Variants in HTR3A observed in about 807,000 individuals in gnomAD.
HTR3A encodes the protein 5-hydroxytryptamine receptor 3A.
Under a neutral mutation model 54.8 loss-of-function variants are expected in HTR3A, and 45 were observed. The observed-to-expected ratio is 0.82, with a 90% CI of 0.65 to 1.05. The LOEUF is 1.05. Ranked by LOEUF, HTR3A falls within the 50% of genes least tolerant of loss-of-function variation. The pLI, the probability that HTR3A is intolerant of heterozygous loss-of-function variation, is 0.00. For missense variants in HTR3A, 657 were observed against 614.0 expected (o/e 1.07, Z -0.74); for synonymous variants, 297 against 256.0 (o/e 1.16, Z -1.53).
chr11:113,986,073 T>A lies in HTR3A; in HGVS notation c.603T>A (p.Ser201Arg). Residue 201 changes from serine to arginine, a missense_variant, in exon 6 of 9, where the codon AGT (serine) becomes AGA (arginine). By Grantham distance (110) the Ser-to-Arg change is moderately radical (BLOSUM62 -1). Transcript: ENST00000504030. ...RLPEKVKSDR[S>R]VFMNQGEWEL... is the part of the protein sequence containing the mutation. ...CAGAAAAGGTGAAATCCGACAGGAG[T>A]GTCTTCATGAACCAGGGAGAGTGGG... 1 of 1,613,946 alleles carries A rather than the reference T, an allele frequency of 6.2e-7. No homozygotes were observed.
chr11:113,987,499 G>A lies in HTR3A; in HGVS notation c.1138+453G>A, dbSNP rs149967535. Among the ~76,000 whole-genome samples, 859 of 152,224 alleles carry A rather than the reference G, an allele frequency of 5.6e-3. 6 individuals are homozygous for A. The highest frequency in any genetic ancestry group is 0.018 in the African/African-American group (765 of 41,540). The stretch of plus-strand genomic sequence containing the variant: ...TACAATCCCAGCACTTTGGGAGGCC[G>A]AGGTGGGAGGATCACTTGAGCCCAG... On this transcript the variant is annotated intron_variant, in intron 8 of 8. Transcript: ENST00000504030.
At position 113,989,759 on chromosome 11, in the gene HTR3A, C is replaced by T; in HGVS notation, c.1433C>T (p.Ala478Val). Residue 478 changes from alanine (A) to valine (V), a missense_variant, in exon 9 of 9, where the codon GCT becomes GTT. Physicochemically the swap from Ala to Val is moderately conservative, Grantham distance 64. Transcript: ENST00000504030. This position sits in a 1 kb window ranked among gnomAD's most constrained non-coding sequence, Gnocchi z 4.4. ...ATGCTCTGGTCCATCTGGCAGTACG[C>T]TTGAGTGGGTACAGCCCAGTGGAGG... ...LVMLWSIWQY[A>V] is the part of the protein sequence containing the mutation. 1.9e-6 allele frequency: 3 copies of T among 1,609,872 alleles called. No homozygotes were observed. Among genetic ancestry groups the T allele is most frequent in the Non-Finnish European group, 2.5e-6 (3 of 1,180,004 alleles).
rs372647734 is a variant in HTR3A at position 113,989,561 on chromosome 11, C to T, written c.1235C>T (p.Ser412Leu). 8.1e-6 allele frequency: 13 copies of T among 1,614,056 alleles called. No homozygotes were observed. Among genetic ancestry groups the T allele is most frequent in the Middle Eastern group, 1.6e-4 (1 of 6,082 alleles). ...CCTCCCCCACCACCTCGGGAGGCCT[C>T]GCTGGCGGTGTGTGGGCTGCTGCAG... ...CSPPPPPREASLAVCGLLQEL... is the reference protein window; with the variant it reads ...CSPPPPPREALLAVCGLLQEL... Residue 412 changes from serine to leucine, a missense_variant, in exon 9 of 9, where the codon TCG (serine) becomes TTG (leucine). By Grantham distance (145) the Ser-to-Leu change is moderately radical. Transcript: ENST00000504030. This position sits in a 1 kb window ranked among gnomAD's most constrained non-coding sequence, Gnocchi z 4.4.
intron 2 of HTR3A, 147 bp from the exon 3 acceptor site, chr11:113,979,086 C>T (rs528270018): frequency 1.4e-6 from 1 of 707,848 alleles, no homozygotes; most frequent in South Asian, 1.5e-5. Context: ...TCCAGTCTAT[C>T]TACTTTCCCG....
chr11:113,986,374 C>A, intron 6 of HTR3A, 144 bp from the exon 7 acceptor site: 1 of 1,064,572 alleles, frequency 9.4e-7, no homozygotes, highest in East Asian at 2.5e-5. Flanking sequence ...GATTGAGAGG[C>A]AGGGTATGGG....
intron 8 of HTR3A, among the ~76,000 whole-genome samples, chr11:113,987,774 T>G (rs921209866): frequency 1.3e-5 from 2 of 152,172 alleles, no homozygotes; most frequent in African/African-American, 4.8e-5. Context: ...CCAAAGACCA[T>G]GTTCCTTAGA....
At position 113,989,921 on chromosome 11, in the gene HTR3A, C is replaced by A; in HGVS notation, c.*158C>A. 2.3e-6 allele frequency: 2 copies of A among 876,528 alleles called. No individual in the cohort carries two copies. The highest frequency in any genetic ancestry group is 1.6e-5 in the African/African-American group (1 of 60,748). The allele number at this position is 876,528 out of a possible 1,614,324, so 54.3% of individuals were successfully genotyped here. A position where few individuals can be genotyped will look rare whatever the true frequency, so the allele number is the denominator to read the frequency against. On this transcript the variant is annotated 3_prime_UTR_variant, in exon 9 of 9. Transcript: ENST00000504030. The surrounding 1 kb of genome is among the most constrained non-coding windows in gnomAD (Gnocchi z 4.4). ...TCCAATGCCAATTCATCTCAGCAAT[C>A]ACAAGCCAAGGTCTGAACCCTTCCA...
In HTR3A at chr11:113,979,282, G is replaced by T. The variant is rs1303940106; in HGVS notation, c.264+5G>T. On this transcript the variant is annotated splice_donor_5th_base_variant and intron_variant, in intron 3 of 8. Coordinates refer to ENST00000504030, the MANE Select transcript of HTR3A (RefSeq NM_000869.6). ...ACCTACATCTGGTACCGGCAGGTGA[G>T]CAGACCCGCCCCTCCCTGCCCCCGT... is the stretch of plus-strand genomic sequence containing the variant. The T allele has an allele frequency of 6.2e-7, 1 of 1,609,150 alleles. No homozygotes were observed.
At chr11:113,976,643 G>A (rs1950355444) in intron 1 of HTR3A, among the ~76,000 whole-genome samples, 1 of 145,586 alleles carries the variant, frequency 6.9e-6, no homozygotes, top group Admixed American at 7.1e-5. Context: ...TCCTTCTGAG[G>A]GAAGCCAGTA....
chr11:113,981,133 G>A, intron 3 of HTR3A, 70 bp from the exon 4 acceptor site: 1 of 949,318 alleles, frequency 1.1e-6, no homozygotes, highest in South Asian at 1.3e-5. Flanking sequence ...GGTGAAGTCT[G>A]CCTGAGTTGC....
chr11:113,975,961 G>A lies in HTR3A; in HGVS notation c.67+569G>A, dbSNP rs117367398. On this transcript the variant is annotated intron_variant, in intron 1 of 8. Transcript: ENST00000504030. ...CTTTCCAGGACTAAACTCCAGTAACGCCCAATTTCTCTCCACATTCGCTAC... is the reference window on the plus strand; with the variant it reads ...CTTTCCAGGACTAAACTCCAGTAACACCCAATTTCTCTCCACATTCGCTAC... Among the ~76,000 whole-genome samples the A allele has an allele frequency of 3.0e-4, 45 of 152,110 alleles. No homozygotes were observed. The East Asian group carries it at 7.4e-3, about 25-fold the overall frequency.
intron 5 of HTR3A, among the ~76,000 whole-genome samples, chr11:113,985,255 C>G (rs948983): frequency 1.3e-5 from 2 of 152,006 alleles, no homozygotes; most frequent in Non-Finnish European, 2.9e-5. Flanking sequence ...TTATTATATA[C>G]TACTACTTGA....
In HTR3A at chr11:113,986,863, A is replaced by G. The variant is rs1950499261; in HGVS notation, c.955A>G (p.Ser319Gly). ...FVVCMALLVI[S>G]LAETIFIVRL... ...GGTGTGCATGGCTCTGCTGGTGATA[A>G]GTTTGGCCGAGACCATCTTCATTGT... The change falls in exon 8 of 9, where the codon AGT becomes GGT. Residue 319 changes from serine to glycine, a missense_variant. By Grantham distance (56) the Ser-to-Gly change is moderately conservative. Coordinates refer to ENST00000504030, the MANE Select transcript of HTR3A (RefSeq NM_000869.6). The G allele has an allele frequency of 4.3e-6, 7 of 1,613,938 alleles. No individual in the cohort carries two copies. Among genetic ancestry groups the G allele is most frequent in the Non-Finnish European group, 5.9e-6 (7 of 1,180,046 alleles).
At chr11:113,977,093 G>A (rs1565577848) in intron 1 of HTR3A, among the ~76,000 whole-genome samples, 3 of 152,084 alleles carry the variant, frequency 2.0e-5, no homozygotes. Context: ...AGCCCATCAT[G>A]TTTGCCCATA....
In HTR3A at chr11:113,983,150, G is replaced by C; in HGVS notation, c.405G>C (p.Pro135=). The C allele has an allele frequency of 6.2e-7, 1 of 1,614,194 alleles. No individual in the cohort carries two copies. Among genetic ancestry groups the C allele is most frequent in the South Asian group, 1.1e-5 (1 of 91,086 alleles). Residue 135 remains proline, a synonymous_variant, in exon 5 of 9, where the codon CCG becomes CCC. Coordinates refer to ENST00000504030, the MANE Select transcript of HTR3A (RefSeq NM_000869.6). ...ATGTGGGGAAGTCTCCAAATATCCC[G>C]TACGTGTATATTCGGCATCAAGGCG... The part of the protein sequence containing the change: ...FVDVGKSPNI[P]YVYIRHQGEV...
intron 5 of HTR3A, among the ~76,000 whole-genome samples, chr11:113,984,746 G>A (rs1292913717): frequency 5.3e-5 from 8 of 152,156 alleles, no homozygotes; most frequent in South Asian, 2.1e-4. Flanking sequence ...GTGAAACCCC[G>A]TCTCTATTAA....
intron 1 of HTR3A, among the ~76,000 whole-genome samples, chr11:113,976,535 T>C (rs1037711344): frequency 1.3e-5 from 2 of 150,910 alleles, no homozygotes; most frequent in African/African-American, 4.9e-5. Context: ...AATATGTTTA[T>C]TGATGTTATT....
rs746965937 is a variant in HTR3A at position 113,981,214 on chromosome 11, T to G, written c.276T>G (p.Asp92Glu). Residue 92 changes from aspartate to glutamate, a missense_variant, in exon 4 of 9, where the codon GAT becomes GAG. Asp to Glu is a conservative substitution (Grantham distance 45). Transcript: ENST00000504030. ...TGCTCCTCCCCTAGTACTGGACTGA[T>G]GAGTTTCTCCAGTGGAACCCTGAGG... is the stretch of plus-strand genomic sequence containing the variant. ...TYIWYRQYWT[D>E]EFLQWNPEDF... is the part of the protein sequence containing the mutation. The G allele has an allele frequency of 1.7e-4, 269 of 1,607,394 alleles. 1 individual carries two copies. Among genetic ancestry groups the G allele is most frequent in the Non-Finnish European group, 2.3e-4 (266 of 1,173,986 alleles).
Position 113,989,707 on chromosome 11 carries a change from G to C in HTR3A, c.1381G>C (p.Val461Leu). 6.2e-7 allele frequency: 1 copy of C among 1,613,812 alleles called. No homozygotes were observed. ...KLLFHIYLLA[V>L]LAYSITLVML... ...GCTATTCCACATTTACCTGCTAGCG[G>C]TGCTGGCCTACAGCATCACCCTGGT... is the stretch of plus-strand genomic sequence containing the variant. The change falls in exon 9 of 9, where the codon GTG becomes CTG. Residue 461 changes from valine to leucine, a missense_variant. Coordinates refer to ENST00000504030, the MANE Select transcript of HTR3A (RefSeq NM_000869.6). The surrounding 1 kb of genome is among the most constrained non-coding windows in gnomAD (Gnocchi z 4.4).
Sources: gnomAD v4.1 joint callset for allele counts (sites outside exome capture counted in the v4.1 genomes callset) on GRCh38, gnomAD v4.1.1 for gene constraint, Gnocchi (gnomAD v3.1) non-coding constraint, MANE v1.5 for transcripts, NCBI Gene and HGNC (gene_info 2026-07-23, HGNC 2026-07-21) for gene names.